Variants in RHBDF1 observed in about 807,000 individuals in gnomAD.
The protein encoded by RHBDF1 is rhomboid 5 homolog 1, also known as inactive rhomboid protein 1.
Under a neutral mutation model 98.6 loss-of-function variants are expected in RHBDF1, and 80 were observed. That is an observed-to-expected ratio of 0.81 (90% CI 0.68 to 0.98). The LOEUF (loss-of-function observed/expected upper bound fraction) is 0.98. Among genes scored for constraint, RHBDF1 ranks in the 50% least tolerant of loss-of-function variants. The pLI, the probability that RHBDF1 is intolerant of heterozygous loss-of-function variation, is 0.00. For missense variants in RHBDF1, 1,116 were observed against 1,198.3 expected (o/e 0.93, Z 1.01); for synonymous variants, 512 against 486.8 (o/e 1.05, Z -0.68).
At chr16:64,632 G>A in intron 3 of RHBDF1, 67 bp downstream of exon 3, 2 of 1,560,808 alleles carry the variant, frequency 1.3e-6, no homozygotes, top group Non-Finnish European at 1.7e-6. Flanking sequence ...TCCATCCTCT[G>A]TGTACCTGCC....
At chr16:64,134 G>A (rs1358771789) in intron 3 of RHBDF1, 4 of 722,790 alleles carry the variant, frequency 5.5e-6, no homozygotes, top group Non-Finnish European at 6.5e-6. Flanking sequence ...CTTGGCCCCA[G>A]GACACCACAG....
In RHBDF1 at chr16:64,751, G is replaced by A; in HGVS notation, c.196C>T (p.Leu66Phe). Residue 66 changes from leucine (L) to phenylalanine (F), a missense_variant, in exon 3 of 18, where the codon CTC becomes TTC. Leu to Phe is a conservative substitution (Grantham distance 22). Coordinates refer to ENST00000262316, the MANE Select transcript of RHBDF1 (RefSeq NM_022450.5). ...TAHISSPHHE[L>F]RRPVLQRQTS... ...TGGCGTTGCAGCACCGGCCGCCGGA[G>A]CTCATGGTGGGGTGAAGAGATGTGG... 6.2e-7 allele frequency: 1 copy of A among 1,614,042 alleles called. No homozygotes were observed. Among genetic ancestry groups the A allele is most frequent in the Non-Finnish European group, 8.5e-7 (1 of 1,179,940 alleles).
At chr16:63,517 C>T in intron 4 of RHBDF1, 70 bp downstream of exon 4, 4 of 1,328,546 alleles carry the variant, frequency 3.0e-6, no homozygotes, top group Non-Finnish European at 4.1e-6. Context: ...CTCAGGCTGG[C>T]TGTGTCCGCA....
intron 4 of RHBDF1, 91 bp downstream of exon 4, chr16:63,496 A>C: frequency 8.8e-7 from 1 of 1,139,904 alleles, no homozygotes; most frequent in Non-Finnish European, 1.2e-6. Flanking sequence ...GCTCCCAGAG[A>C]GTCCCTTCTG....
chr16:64,563 G>A (rs1897770372), intron 3 of RHBDF1, 136 bp downstream of exon 3: 1 of 1,542,852 alleles, frequency 6.5e-7, no homozygotes, highest in East Asian at 2.3e-5. Flanking sequence ...GGAGGGCAAG[G>A]GGATGGTGGG....
intron 13 of RHBDF1, 102 bp from the exon 14 acceptor site, chr16:59,928 G>GAA (rs1897545646): frequency 6.4e-7 from 1 of 1,564,090 alleles, no homozygotes. Context: ...TCATAAAGCA[G>GAA]AAAACGGTGT....
At chr16:70,997 C>T (rs535014964) in intron 1 of RHBDF1, among the ~76,000 whole-genome samples, 1 of 152,358 alleles carries the variant, frequency 6.6e-6, no homozygotes, top group South Asian at 2.1e-4. Flanking sequence ...GAACTGGAGC[C>T]GGTGTGGCGG....
Position 65,017 on chromosome 16 carries a change from G to C in RHBDF1, c.-2C>G. The C allele has an allele frequency of 6.6e-7, 1 of 1,513,576 alleles. No individual in the cohort carries two copies. The highest frequency in any genetic ancestry group is 8.8e-7 in the Non-Finnish European group (1 of 1,131,794). The allele number at this position is 1,513,576 out of a possible 1,614,324, so 93.8% of individuals were successfully genotyped here. ...GCTGTCCCTGCGGGCCTCACTCATG[G>C]TTCCTGGCAGAGCAAGGCAGGCCTG... On this transcript the variant is annotated 5_prime_UTR_variant, in exon 2 of 18. Transcript: ENST00000262316.
chr16:63,812 G>C lies in RHBDF1; in HGVS notation c.249-12C>G, dbSNP rs1183894039. On this transcript the variant is annotated splice_polypyrimidine_tract_variant and intron_variant, in intron 3 of 17. Transcript: ENST00000262316. The stretch of plus-strand genomic sequence containing the variant: ...AGTCGGCGGTCCCCCTGGCATGGCA[G>C]GGACTCAGCAAGGGGCGGCCAGATC... 2 of 1,611,318 alleles carry C rather than the reference G, an allele frequency of 1.2e-6. No homozygotes were observed. Among genetic ancestry groups the C allele is most frequent in the Non-Finnish European group, 1.7e-6 (2 of 1,178,532 alleles).
intron 1 of RHBDF1, among the ~76,000 whole-genome samples, chr16:66,790 A>T (rs1349870733): frequency 6.6e-6 from 1 of 152,178 alleles, no homozygotes; most frequent in Non-Finnish European, 1.5e-5. Context: ...CTTGGCCTGG[A>T]ATCAGGGGCA....
chr16:73,539 C>T (rs1269577026), upstream of RHBDF1, among the ~76,000 whole-genome samples: 2 of 152,206 alleles, frequency 1.3e-5, no homozygotes, highest in Non-Finnish European at 2.9e-5. Context: ...CCCAGCATTT[C>T]TCTCCTGACA....
upstream of RHBDF1, among the ~76,000 whole-genome samples, chr16:73,255 C>T (rs1898023837): frequency 6.6e-6 from 1 of 152,148 alleles, no homozygotes; most frequent in South Asian, 2.1e-4. Flanking sequence ...CACCGATGCA[C>T]ACACTCAGTT....
chr16:64,005 C>A, intron 3 of RHBDF1: 2 of 721,518 alleles, frequency 2.8e-6, no homozygotes, highest in Non-Finnish European at 5.0e-6. Context: ...TTCCACTAGA[C>A]CGCAGCTGGC....
chr16:62,605 G>T lies in RHBDF1; in HGVS notation c.886C>A (p.Pro296Thr). The change falls in exon 7 of 18, where the codon CCG becomes ACG. Residue 296 changes from proline (P) to threonine (T), a missense_variant. By Grantham distance (38) the Pro-to-Thr change is conservative. Coordinates refer to ENST00000262316, the MANE Select transcript of RHBDF1 (RefSeq NM_022450.5). ...EAALKDWEKAPEQADLTGGAL... is the reference protein window; with the variant it reads ...EAALKDWEKATEQADLTGGAL... Reference sequence around the variant, plus strand: ...CCGCCGGTGAGGTCCGCCTGCTCCGGTGCCTTCTCCCAGTCCTTTAGCGCT... The same window carrying T: ...CCGCCGGTGAGGTCCGCCTGCTCCGTTGCCTTCTCCCAGTCCTTTAGCGCT... The T allele has an allele frequency of 6.2e-7, 1 of 1,613,832 alleles. No individual in the cohort carries two copies. The highest frequency in any genetic ancestry group is 2.2e-5 in the East Asian group (1 of 44,874).
In RHBDF1 at chr16:62,991, C is replaced by T. The variant is rs777393679; in HGVS notation, c.654G>A (p.Ala218=). 1.3e-5 allele frequency: 21 copies of T among 1,611,914 alleles called. No individual in the cohort carries two copies. The highest frequency in any genetic ancestry group is 6.6e-5 in the South Asian group (6 of 91,008). ...RESVAKMSFR[A]AAALMKGRSV... ...CACCCACTTTCATCAGCGCTGCGGC[C>T]GCCCGGAAGCTCATCTTGGCCACCG... The change falls in exon 5 of 18, where the codon GCG becomes GCA. Residue 218 remains alanine (A), a synonymous_variant. Coordinates refer to ENST00000262316, the MANE Select transcript of RHBDF1 (RefSeq NM_022450.5).
At chr16:62,266 C>T in intron 7 of RHBDF1, 1 of 731,566 alleles carries the variant, frequency 1.4e-6, no homozygotes, top group Non-Finnish European at 2.2e-6. Flanking sequence ...TGCAACTCAG[C>T]AAGTATCACC....
At chr16:64,529 G>C (rs1377224705) in intron 3 of RHBDF1, 170 bp downstream of exon 3, 19 of 1,545,616 alleles carry the variant, frequency 1.2e-5, no homozygotes, top group Non-Finnish European at 1.6e-5. Context: ...AGTGGGGTGA[G>C]AGCGGTCAGT....
Position 58,154 on chromosome 16 carries a change from A to G in RHBDF1, c.*186T>C, listed in dbSNP as rs1361921552. 3 of 592,580 alleles carry G rather than the reference A, an allele frequency of 5.1e-6. No individual in the cohort carries two copies. The highest frequency in any genetic ancestry group is 8.8e-6 in the Non-Finnish European group (3 of 339,674). 36.7% of individuals were successfully genotyped at this position (592,580 alleles called of 1,614,324 possible). A position where few individuals can be genotyped will look rare whatever the true frequency, so the allele number is the denominator to read the frequency against. Reference sequence around the variant, plus strand: ...TTAGAAGGTTATGACAGGAAGTAGTATAATAAATGCCCGGCAGTACGAGGG... The same window carrying G: ...TTAGAAGGTTATGACAGGAAGTAGTGTAATAAATGCCCGGCAGTACGAGGG... On this transcript the variant is annotated 3_prime_UTR_variant, in exon 18 of 18. Coordinates refer to ENST00000262316, the MANE Select transcript of RHBDF1 (RefSeq NM_022450.5).
chr16:64,220 G>C, intron 3 of RHBDF1: 1 of 1,316,688 alleles, frequency 7.6e-7, no homozygotes, highest in South Asian at 1.2e-5. Context: ...AACACTGCCA[G>C]CACCTGCCGT....
Sources: gnomAD v4.1 joint callset for allele counts (sites outside exome capture counted in the v4.1 genomes callset) on GRCh38, gnomAD v4.1.1 for gene constraint, MANE v1.5 for transcripts, NCBI Gene and HGNC (gene_info 2026-07-23, HGNC 2026-07-21) for gene names.